PPARGC1B: variants seen among roughly 807,000 people sequenced by gnomAD.
PPARGC1B encodes the protein PPARG coactivator 1 beta.
A neutral mutation model predicts 101.6 loss-of-function variants in PPARGC1B; 34 were observed. The observed-to-expected ratio is 0.33, with a 90% CI of 0.25 to 0.45. The LOEUF (loss-of-function observed/expected upper bound fraction) is 0.45, where lower values mean the gene tolerates loss of function less well. Among genes scored for constraint, PPARGC1B ranks in the 20% least tolerant of loss-of-function variants. The pLI is 1.00. For synonymous variants in PPARGC1B, 548 were observed against 539.3 expected (o/e 1.02, Z -0.22); for missense variants, 1,234 against 1,317.6 (o/e 0.94, Z 0.98).
intron 1 of PPARGC1B, among the ~76,000 whole-genome samples, chr5:149,789,410 T>A (rs940813590): frequency 6.6e-6 from 1 of 152,204 alleles, no homozygotes; most frequent in Admixed American, 6.5e-5. Flanking sequence ...CTCACTTTCC[T>A]CATCTGCAAA....
chr5:149,759,708 A>G (rs1386301978), intron 1 of PPARGC1B, among the ~76,000 whole-genome samples: 8 of 152,160 alleles, frequency 5.3e-5, no homozygotes, highest in Non-Finnish European at 8.8e-5. Context: ...TTGGTTGAAA[A>G]TGACCCACAT....
chr5:149,813,619 T>C (rs761396623), intron 1 of PPARGC1B, among the ~76,000 whole-genome samples: 4 of 152,188 alleles, frequency 2.6e-5, no homozygotes, highest in Non-Finnish European at 5.9e-5. Context: ...ATGGGAATGC[T>C]GACCACTGGC....
At chr5:149,841,285 T>C (rs930395116) in intron 9 of PPARGC1B, among the ~76,000 whole-genome samples, 1 of 151,908 alleles carries the variant, frequency 6.6e-6, no homozygotes. Flanking sequence ...GGGGGACAAG[T>C]GTTTGGAGCA....
At chr5:149,781,191 C>T (rs915985868) in intron 1 of PPARGC1B, among the ~76,000 whole-genome samples, 5 of 140,496 alleles carry the variant, frequency 3.6e-5, no homozygotes, top group Admixed American at 7.3e-5. Context: ...AGTGACAGAG[C>T]GAGACTTCAT....
At chr5:149,759,784 G>A (rs1234362307) in intron 1 of PPARGC1B, among the ~76,000 whole-genome samples, 1 of 152,216 alleles carries the variant, frequency 6.6e-6, no homozygotes, top group Non-Finnish European at 1.5e-5. Context: ...GGGAGTTGGT[G>A]AATGGCCTGG....
At chr5:149,766,765 TATTAA>T (rs1305824080) in intron 1 of PPARGC1B, among the ~76,000 whole-genome samples, 1 of 152,170 alleles carries the variant, frequency 6.6e-6, no homozygotes, top group East Asian at 1.9e-4. Context: ...ATGGGGTGAT[TATTAA>T]ATTATCTGTC....
intron 1 of PPARGC1B, among the ~76,000 whole-genome samples, chr5:149,762,867 GC>G (rs779125955): frequency 3.9e-5 from 6 of 152,082 alleles, no homozygotes; most frequent in Non-Finnish European, 8.8e-5. Context: ...GCTCACTGCA[GC>G]CTCAACTTCC....
intron 1 of PPARGC1B, among the ~76,000 whole-genome samples, chr5:149,803,579 C>T (rs1757500844): frequency 6.6e-6 from 1 of 152,172 alleles, no homozygotes; most frequent in Non-Finnish European, 1.5e-5. Context: ...GAGAGTTCCT[C>T]GCCTCCTGCC....
intron 1 of PPARGC1B, among the ~76,000 whole-genome samples, chr5:149,816,237 T>C (rs894943621): frequency 1.3e-5 from 2 of 152,248 alleles, no homozygotes; most frequent in African/African-American, 4.8e-5. Context: ...TCTTTGTTTT[T>C]ATGTGCTGGG....
At chr5:149,822,171 C>T (rs1017768691) in intron 2 of PPARGC1B, among the ~76,000 whole-genome samples, 2 of 152,146 alleles carry the variant, frequency 1.3e-5, no homozygotes, top group South Asian at 4.1e-4. Context: ...TTTTAGGTTG[C>T]AGAGAACTCA....
At chr5:149,772,361 G>A (rs998445181) in intron 1 of PPARGC1B, among the ~76,000 whole-genome samples, 1 of 152,206 alleles carries the variant, frequency 6.6e-6, no homozygotes, top group Admixed American at 6.5e-5. Flanking sequence ...CTGTCATGGT[G>A]TGTGGCACAA....
rs1759891013 is a variant in PPARGC1B at position 149,854,519 on chromosome 5, A to G, written c.*6961A>G. ...GCTAAATTTTAATTTTTTAAAGGAC[A>G]CTGCTAATGATTGAGAATCAAGTTT... On this transcript the variant is annotated 3_prime_UTR_variant, in exon 12 of 12. Coordinates refer to ENST00000309241, the MANE Select transcript of PPARGC1B (RefSeq NM_133263.4). 1 of 152,088 alleles carries G rather than the reference A, an allele frequency of 6.6e-6. No homozygotes were observed. Among genetic ancestry groups the G allele is most frequent in the South Asian group, 2.1e-4 (1 of 4,822 alleles). The allele number at this position is 152,088 out of a possible 1,614,324, so 9.4% of individuals were successfully genotyped here.
intron 1 of PPARGC1B, among the ~76,000 whole-genome samples, chr5:149,751,590 C>T (rs1755307429): frequency 6.6e-6 from 1 of 151,990 alleles, no homozygotes; most frequent in South Asian, 2.1e-4. Flanking sequence ...CCTGTAATCC[C>T]AGCTACTTGG....
chr5:149,817,947 A>C (rs1391979486), intron 1 of PPARGC1B, among the ~76,000 whole-genome samples: 2 of 152,378 alleles, frequency 1.3e-5, no homozygotes, highest in East Asian at 1.9e-4. Context: ...AAATGGCCCA[A>C]AACAGGAAAC....
intron 1 of PPARGC1B, among the ~76,000 whole-genome samples, chr5:149,805,073 C>T (rs145290596): frequency 6.4e-4 from 97 of 152,290 alleles, no homozygotes; most frequent in African/African-American, 2.3e-3. Context: ...ATGGGAGCTT[C>T]CTCCTTCGTG....
In PPARGC1B at chr5:149,730,408, C is replaced by T; in HGVS notation, c.66C>T (p.Leu22=). The stretch of plus-strand genomic sequence containing the variant: ...TCTCCTCCTTCTTCCTCAACTATCT[C>T]GCTGACACGCAGGTACGGCCGGCTG... ...EELSSFFLNY[L]ADTQGGGSGE... The change falls in exon 1 of 12, where the codon CTC becomes CTT. Residue 22 remains leucine (L), a synonymous_variant. Transcript: ENST00000309241. This position sits in a 1 kb window ranked among gnomAD's most constrained non-coding sequence, Gnocchi z 4.0. The T allele has an allele frequency of 6.4e-7, 1 of 1,562,490 alleles. No individual in the cohort carries two copies. The highest frequency in any genetic ancestry group is 8.6e-7 in the Non-Finnish European group (1 of 1,156,678).
In PPARGC1B at chr5:149,826,667, C is replaced by T; in HGVS notation, c.253-6C>T. ...CTTTCTGACCCTCCCGCCCTCCTCA[C>T]TCCAGATTGACAGTGAGAATGAGGC... On this transcript the variant is annotated splice_region_variant and splice_polypyrimidine_tract_variant and intron_variant, in intron 2 of 11. Coordinates refer to ENST00000309241, the MANE Select transcript of PPARGC1B (RefSeq NM_133263.4). The T allele has an allele frequency of 6.2e-7, 1 of 1,612,356 alleles. No homozygotes were observed. Among genetic ancestry groups the T allele is most frequent in the Non-Finnish European group, 8.5e-7 (1 of 1,178,488 alleles).
intron 3 of PPARGC1B, 137 bp downstream of exon 3, chr5:149,827,022 G>C (rs1758557865): frequency 1.4e-6 from 1 of 721,838 alleles, no homozygotes; most frequent in South Asian, 1.9e-5. Flanking sequence ...TCACAGCAGA[G>C]AGCGTGGGCC....
chr5:149,791,891 A>G (rs183429458), intron 1 of PPARGC1B, among the ~76,000 whole-genome samples: 3 of 152,340 alleles, frequency 2.0e-5, no homozygotes, highest in Non-Finnish European at 2.9e-5. Context: ...TAAAAGTTTC[A>G]TTTATTCAAC....
Sources: allele counts gnomAD v4.1 joint callset (sites outside exome capture counted in the v4.1 genomes callset), GRCh38; gene constraint gnomAD v4.1.1; non-coding constraint Gnocchi (gnomAD v3.1); transcripts MANE v1.5; gene names NCBI Gene and HGNC (gene_info 2026-07-23, HGNC 2026-07-21).